ANK3: variants seen among roughly 807,000 people sequenced by gnomAD.
ANK3 encodes the protein ankyrin-3.
Under a neutral mutation model 370.9 loss-of-function variants are expected in ANK3, and 57 were observed. The observed-to-expected ratio is 0.15, with a 90% CI of 0.12 to 0.19. The LOEUF is 0.19. Among genes scored for constraint, ANK3 ranks in the 10% least tolerant of loss-of-function variants. The pLI, the probability that ANK3 is intolerant of heterozygous loss-of-function variation, is 1.00. For missense variants in ANK3, 4,439 were observed against 5,302.1 expected (o/e 0.84, Z 5.06); for synonymous variants, 1,929 against 1,946.3 (o/e 0.99, Z 0.23).
intron 2 of ANK3, among the ~76,000 whole-genome samples, chr10:60,519,971 T>C (rs1427549624): frequency 6.6e-6 from 1 of 152,116 alleles, no homozygotes. Flanking sequence ...ATCATGAGTT[T>C]CAATTTTAAC....
chr10:60,272,463 T>C (rs1447500270), intron 4 of ANK3, among the ~76,000 whole-genome samples: 1 of 120,804 alleles, frequency 8.3e-6, no homozygotes, highest in Non-Finnish European at 1.7e-5. Flanking sequence ...TTTGTTGTTG[T>C]TGTTGTTGTT....
chr10:60,521,634 C>G (rs883591), intron 2 of ANK3, among the ~76,000 whole-genome samples: 108,840 of 151,930 alleles, frequency 0.72, 39,054 homozygotes, highest in South Asian at 0.88. Context: ...TTGGATAATG[C>G]TGTGGAATTA....
chr10:60,300,649 G>C, intron 1 of ANK3: 1 of 717,478 alleles, frequency 1.4e-6, no homozygotes, highest in South Asian at 6.3e-5. Flanking sequence ...ACCGAGAATA[G>C]CAGGGCAATC....
intron 1 of ANK3, among the ~76,000 whole-genome samples, chr10:60,683,209 T>G (rs1432912340): frequency 6.6e-6 from 1 of 152,204 alleles, no homozygotes; most frequent in African/African-American, 2.4e-5. Context: ...TCCCTACATA[T>G]CAGTTAAATT....
chr10:60,729,059 G>C (rs2079984160), intron 1 of ANK3, among the ~76,000 whole-genome samples: 1 of 152,166 alleles, frequency 6.6e-6, no homozygotes, highest in Admixed American at 6.5e-5. Flanking sequence ...GTGTACCTAA[G>C]AGTGCCTTTT....
chr10:60,681,844 G>A (rs1237977112), intron 1 of ANK3, among the ~76,000 whole-genome samples: 1 of 152,184 alleles, frequency 6.6e-6, no homozygotes, highest in Admixed American at 6.5e-5. Flanking sequence ...CAGGGATCTA[G>A]AAAATGCCCC....
At chr10:60,088,056 T>C (rs961920368) in intron 29 of ANK3, 91 bp downstream of exon 29, 26 of 1,003,166 alleles carry the variant, frequency 2.6e-5, no homozygotes, top group Non-Finnish European at 3.7e-5. Flanking sequence ...AGCAGTATCA[T>C]TAGGATGTTA....
chr10:60,217,509 T>C (rs1280434941), intron 8 of ANK3, among the ~76,000 whole-genome samples: 1 of 152,132 alleles, frequency 6.6e-6, no homozygotes, highest in African/African-American at 2.4e-5. Context: ...CTTAATGTCA[T>C]AATGTTTACC....
At chr10:60,448,583 G>A (rs2064512884) in intron 2 of ANK3, among the ~76,000 whole-genome samples, 1 of 152,154 alleles carries the variant, frequency 6.6e-6, no homozygotes, top group Non-Finnish European at 1.5e-5. Flanking sequence ...GCGATAACCT[G>A]GTAGGATAGA....
In ANK3 at chr10:60,235,379, G is replaced by A. The variant is rs565014681; in HGVS notation, c.799-593C>T. ...TGTAATGCTTATTTGACAAATATTT[G>A]AAGAATAACCAGATTGTTAGGATTA... On this transcript the variant is annotated intron_variant, in intron 7 of 43. Coordinates refer to ENST00000280772, the MANE Select transcript of ANK3 (RefSeq NM_020987.5). Among the ~76,000 whole-genome samples, 42 of 152,226 alleles carry A rather than the reference G, an allele frequency of 2.8e-4. 1 individual carries two copies. In the South Asian group the frequency reaches 8.7e-3, roughly 32 times the overall value.
chr10:60,413,654 C>T lies in ANK3; in HGVS notation c.97-134015G>A, dbSNP rs188993593. On this transcript the variant is annotated intron_variant, in intron 2 of 43. Coordinates refer to the ANK3 transcript ENST00000373827. ...ATTTTACCCCAGAAAAAAAGGGACT[C>T]GAAATGTTCTATTCAGAATCATGCA... Among the ~76,000 whole-genome samples, 7 of 152,158 alleles carry T rather than the reference C, an allele frequency of 4.6e-5. No homozygotes were observed. The South Asian group carries it at 6.2e-4, about 14-fold the overall frequency.
chr10:60,647,142 T>A (rs1005759605), intron 1 of ANK3, among the ~76,000 whole-genome samples: 5 of 152,152 alleles, frequency 3.3e-5, no homozygotes, highest in African/African-American at 1.2e-4. Flanking sequence ...TGCTGAGCAA[T>A]GTTTAGAGGA....
intron 1 of ANK3, among the ~76,000 whole-genome samples, chr10:60,673,047 A>T (rs903692764): frequency 4.6e-4 from 8 of 17,486 alleles, no homozygotes; most frequent in Admixed American, 2.3e-3. Context: ...AAATTTGGTA[A>T]AAAAAAAAAA....
At chr10:60,719,920 C>T (rs2079840275) in intron 1 of ANK3, among the ~76,000 whole-genome samples, 1 of 152,162 alleles carries the variant, frequency 6.6e-6, no homozygotes, top group Admixed American at 6.5e-5. Flanking sequence ...TAGACTTTAG[C>T]TGCTATCTAT....
At chr10:60,569,888 G>A (rs888668709) in intron 2 of ANK3, among the ~76,000 whole-genome samples, 1 of 152,146 alleles carries the variant, frequency 6.6e-6, no homozygotes, top group African/African-American at 2.4e-5. Context: ...TTGCCACAGA[G>A]TTTGGCAGGT....
chr10:60,073,887 C>T lies in ANK3; in HGVS notation c.6994G>A (p.Val2332Ile). The T allele has an allele frequency of 1.9e-6, 3 of 1,613,828 alleles. No individual in the cohort carries two copies. The highest frequency in any genetic ancestry group is 2.5e-6 in the Non-Finnish European group (3 of 1,179,998). Residue 2332 changes from valine to isoleucine, a missense_variant, in exon 37 of 44, where the codon GTC becomes ATC. By Grantham distance (29) the Val-to-Ile change is conservative (BLOSUM62 3). Around this residue, in one of 13 missense-constraint regions of ANK3, gnomAD observed 1,601 missense variants for 1,731.7 expected, o/e 0.92. Coordinates refer to ENST00000280772, the MANE Select transcript of ANK3 (RefSeq NM_020987.5). ...GCTTGGTTACCTTTTTCGATGTGGA[C>T]TTCTATTATACGCTCCAGTTTGGGT... ...MKPKLERIIE[V>I]HIEKGNQAEP...
At chr10:60,234,251 G>C (rs897328901) in intron 8 of ANK3, among the ~76,000 whole-genome samples, 4 of 152,196 alleles carry the variant, frequency 2.6e-5, no homozygotes, top group Non-Finnish European at 5.9e-5. Context: ...CCAGAAGTGA[G>C]ATTGCTGGAT....
At position 60,028,140 on chromosome 10, in the gene ANK3, A is replaced by G. The variant is rs2072515754; in HGVS notation, c.*1706T>C. 1.3e-5 allele frequency: 2 copies of G among 152,208 alleles called. No individual in the cohort carries two copies. Among genetic ancestry groups the G allele is most frequent in the Admixed American group, 6.5e-5 (1 of 15,278 alleles). The allele number at this position is 152,208 out of a possible 1,614,324, so 9.4% of individuals were successfully genotyped here. A position where few individuals can be genotyped will look rare whatever the true frequency, so the allele number is the denominator to read the frequency against. On this transcript the variant is annotated 3_prime_UTR_variant, in exon 44 of 44. Coordinates refer to ENST00000280772, the MANE Select transcript of ANK3 (RefSeq NM_020987.5). Reference sequence around the variant, plus strand: ...TGACATGCTGGCTATAGTATCTCCAATTCTTCACTTTTCAAGAAGGCCTGA... The same window carrying G: ...TGACATGCTGGCTATAGTATCTCCAGTTCTTCACTTTTCAAGAAGGCCTGA...
rs545917449 is a variant in ANK3, at chr10:60,176,724, A to G, written c.2185-3538T>C. Among the ~76,000 whole-genome samples, 73 of 152,274 alleles carry G rather than the reference A, an allele frequency of 4.8e-4. 1 individual carries two copies. The South Asian group carries it at 5.4e-3, about 11-fold the overall frequency. On this transcript the variant is annotated intron_variant, in intron 18 of 43. Coordinates refer to ENST00000280772, the MANE Select transcript of ANK3 (RefSeq NM_020987.5). ...CAGTGAGCCAAGATCACACAACTGC[A>G]CTCCAGCCTGAGTGACAAGAGCGAA...
Sources: gnomAD v4.1 joint callset for allele counts (sites outside exome capture counted in the v4.1 genomes callset) on GRCh38, gnomAD v4.1.1 for gene constraint, gnomAD v4.1.1 regional missense constraint, MANE v1.5 for transcripts, NCBI Gene and HGNC (gene_info 2026-07-23, HGNC 2026-07-21) for gene names.